The following ACTR3C variants were observed in gnomAD, a reference collection of about 807,000 sequenced individuals.
ACTR3C encodes actin related protein 3C.
ACTR3C carries 18 observed loss-of-function variants against 26.3 expected under a neutral mutation model. That is an observed-to-expected ratio of 0.68 (90% CI 0.47 to 1.01). ACTR3C has a LOEUF of 1.01. Among genes scored for constraint, ACTR3C ranks in the 50% least tolerant of loss-of-function variants. The pLI, the probability that ACTR3C is intolerant of heterozygous loss-of-function variation, is 0.00. For synonymous variants in ACTR3C, 55 were observed against 94.5 expected, an observed-to-expected ratio of 0.58 and a Z score of 2.42; for missense variants, 184 against 250.7, an observed-to-expected ratio of 0.73 and a Z score of 1.80.
At chr7:150,224,243 C>A in the ACTR3C span, among the ~76,000 whole-genome samples, 14 of 152,286 alleles carry the variant, frequency 9.2e-5, no homozygotes, top group African/African-American at 3.4e-4. Context: ...TTGTTGGAAG[C>A]CTTGTCAGGA....
the ACTR3C span, among the ~76,000 whole-genome samples, chr7:150,051,557 C>T: frequency 9.7e-6 from 1 of 102,648 alleles, no homozygotes; most frequent in Non-Finnish European, 2.1e-5. Context: ...GATTTTTATT[C>T]CTACTTATTG....
chr7:150,101,545 A>C, the ACTR3C span, among the ~76,000 whole-genome samples: 4 of 151,674 alleles, frequency 2.6e-5, no homozygotes, highest in Non-Finnish European at 5.9e-5. Flanking sequence ...GACAAACTCA[A>C]CTCACGTGGT....
the ACTR3C span, among the ~76,000 whole-genome samples, chr7:150,036,920 C>CG: frequency 7.4e-5 from 7 of 94,792 alleles, no homozygotes; most frequent in African/African-American, 1.2e-4. Context: ...CCTCCCCCCT[C>CG]TGCGATGGGG....
the ACTR3C span, among the ~76,000 whole-genome samples, chr7:150,204,379 A>G: frequency 2.0e-5 from 3 of 147,734 alleles, no homozygotes; most frequent in African/African-American, 7.7e-5. Context: ...GCCATTTTGT[A>G]AGGAACTCCA....
At chr7:150,095,582 C>T in the ACTR3C span, among the ~76,000 whole-genome samples, 2 of 148,366 alleles carry the variant, frequency 1.3e-5, no homozygotes, top group Admixed American at 1.3e-4. Flanking sequence ...TTGCATCTTG[C>T]TTACCATTAC....
At chr7:149,901,213 T>TTA in the ACTR3C span, among the ~76,000 whole-genome samples, 1 of 152,060 alleles carries the variant, frequency 6.6e-6, no homozygotes. Flanking sequence ...GTAAGTGTAA[T>TTA]TATATAGGAA....
At chr7:150,271,543 C>A (rs1164766957) in intron 6 of ACTR3C, among the ~76,000 whole-genome samples, 1 of 149,832 alleles carries the variant, frequency 6.7e-6, no homozygotes, top group Non-Finnish European at 1.5e-5. Context: ...TCATAGTATT[C>A]CATGGTGTAT....
chr7:150,141,925 G>A, the ACTR3C span, among the ~76,000 whole-genome samples: 1 of 152,110 alleles, frequency 6.6e-6, no homozygotes, highest in East Asian at 1.9e-4. Context: ...CAGGCCAGAT[G>A]TTCAGGGAGA....
At chr7:150,299,591 G>A (rs1404285090) in intron 1 of ACTR3C, among the ~76,000 whole-genome samples, 1 of 148,370 alleles carries the variant, frequency 6.7e-6, no homozygotes, top group Non-Finnish European at 1.5e-5. Context: ...TTCAAGACCA[G>A]CCTGGCCAAC....
intron 6 of ACTR3C, among the ~76,000 whole-genome samples, chr7:150,280,963 G>A (rs1223073499): frequency 2.0e-5 from 3 of 152,206 alleles, no homozygotes; most frequent in Non-Finnish European, 4.4e-5. Flanking sequence ...GCCTCAAGGC[G>A]CAGGTGTGGC....
the ACTR3C span, among the ~76,000 whole-genome samples, chr7:150,032,693 C>A: frequency 2.2e-5 from 3 of 134,696 alleles, no homozygotes; most frequent in African/African-American, 7.6e-5. Context: ...CATGTCAGCA[C>A]CACATCCCAG....
chr7:150,062,885 C>T, the ACTR3C span, among the ~76,000 whole-genome samples: 3 of 152,174 alleles, frequency 2.0e-5, no homozygotes, highest in Non-Finnish European at 4.4e-5. Flanking sequence ...AAGAGAGCTT[C>T]CATCCAGAGG....
the ACTR3C span, among the ~76,000 whole-genome samples, chr7:150,004,010 CATGTGGTGTGGT>C: frequency 6.8e-6 from 1 of 147,036 alleles, no homozygotes; most frequent in Non-Finnish European, 1.5e-5. Flanking sequence ...GGTTGTGTGG[CATGTGGTGTGGT>C]ATTTGATGTG....
the ACTR3C span, among the ~76,000 whole-genome samples, chr7:150,160,110 T>TAA: frequency 1.3e-5 from 2 of 152,140 alleles, no homozygotes; most frequent in Non-Finnish European, 2.9e-5. Flanking sequence ...CAAGAAATAT[T>TAA]AATGCATTCT....
At chr7:150,054,978 T>G in the ACTR3C span, among the ~76,000 whole-genome samples, 2 of 152,238 alleles carry the variant, frequency 1.3e-5, no homozygotes, top group Non-Finnish European at 2.9e-5. Flanking sequence ...GTTTTCTCAA[T>G]TTCTTGCTCC....
At chr7:150,199,743 A>AC in the ACTR3C span, among the ~76,000 whole-genome samples, 20 of 143,254 alleles carry the variant, frequency 1.4e-4, no homozygotes, top group East Asian at 3.1e-3. Context: ...AAAAAAAAAA[A>AC]AAAACATAGT....
chr7:150,175,173 G>T, the ACTR3C span, among the ~76,000 whole-genome samples: 1 of 148,320 alleles, frequency 6.7e-6, no homozygotes. Flanking sequence ...GCATGTGTCT[G>T]TGTGTACCAT....
At chr7:150,204,567 C>A in the ACTR3C span, among the ~76,000 whole-genome samples, 1 of 152,218 alleles carries the variant, frequency 6.6e-6, no homozygotes, top group South Asian at 2.1e-4. Flanking sequence ...TTTGTCACAT[C>A]CAGAGAGACC....
At chr7:150,092,992 G>C in the ACTR3C span, among the ~76,000 whole-genome samples, 2 of 151,588 alleles carry the variant, frequency 1.3e-5, no homozygotes, top group Non-Finnish European at 2.9e-5. Context: ...AAGCTATTGA[G>C]ATGTAGGGAG....
Sources: allele counts gnomAD v4.1 joint callset (sites outside exome capture counted in the v4.1 genomes callset), GRCh38; gene constraint gnomAD v4.1.1; transcripts MANE v1.5; gene names NCBI Gene and HGNC (gene_info 2026-07-23, HGNC 2026-07-21).